Variants in P3H2 observed in about 807,000 individuals in gnomAD.
The protein encoded by P3H2 is leprecan-like 1.
A neutral mutation model predicts 87.0 loss-of-function variants in P3H2; 80 were observed. That is an observed-to-expected ratio of 0.92 (90% confidence interval 0.77 to 1.11). The LOEUF (loss-of-function observed/expected upper bound fraction) is 1.11, where lower values mean the gene tolerates loss of function less well. P3H2 is among the 50% of genes least tolerant of loss of function. P3H2 has a pLI of 0.00. For synonymous variants in P3H2, 367 were observed against 359.3 expected (o/e 1.02, Z -0.24); for missense variants, 1,001 against 923.9 (o/e 1.08, Z -1.08).
At chr3:190,006,551 C>A (rs982077444) in intron 1 of P3H2, among the ~76,000 whole-genome samples, 1 of 152,068 alleles carries the variant, frequency 6.6e-6, no homozygotes, top group Non-Finnish European at 1.5e-5. Context: ...GTAAATATAG[C>A]CCAGTTAGGA....
At chr3:190,082,181 G>A (rs1438575708) in intron 1 of P3H2, among the ~76,000 whole-genome samples, 4 of 152,090 alleles carry the variant, frequency 2.6e-5, no homozygotes, top group East Asian at 3.9e-4. Context: ...ACCTGAACCC[G>A]GTAGACGGAA....
intron 8 of P3H2, among the ~76,000 whole-genome samples, chr3:189,977,932 C>T (rs1480206832): frequency 6.6e-6 from 1 of 152,118 alleles, no homozygotes; most frequent in Non-Finnish European, 1.5e-5. Context: ...AAAAATCCCC[C>T]CTAAACGTCT....
chr3:190,047,016 A>AT lies in P3H2; in HGVS notation c.481-51575dup, dbSNP rs553225403. 3.0e-3 allele frequency among the ~76,000 whole-genome samples: 433 copies of AT among 143,556 alleles called. 3 individuals are homozygous for AT. Among genetic ancestry groups the AT allele is most frequent in the African/African-American group, 0.011 (416 of 38,156 alleles). The allele number at this position is 143,556 out of a possible 152,430, so 94.2% of individuals were successfully genotyped here. A position where few individuals can be genotyped will look rare whatever the true frequency, so the allele number is the denominator to read the frequency against. On this transcript the variant is annotated intron_variant, in intron 1 of 14. Coordinates refer to ENST00000319332, the MANE Select transcript of P3H2 (RefSeq NM_018192.4). ...AATGAGGAATTAATAACTAGAATAT[A>AT]TAAGAAACTCAATAGCAAACAAAAC... is the stretch of plus-strand genomic sequence containing the variant.
chr3:190,055,608 G>C (rs571557390), intron 1 of P3H2, among the ~76,000 whole-genome samples: 1 of 151,492 alleles, frequency 6.6e-6, no homozygotes, highest in Admixed American at 6.6e-5. Context: ...TCAAGAGTCA[G>C]GCAATGGCCA....
intron 2 of P3H2, 58 bp from the exon 3 acceptor site, chr3:189,994,341 C>A (rs537547024): frequency 3.0e-5 from 33 of 1,083,600 alleles, no homozygotes; most frequent in Middle Eastern, 2.3e-4. Context: ...AACAAAAAAA[C>A]CCTTATTTTC....
chr3:190,099,075 T>A (rs1043931125), intron 1 of P3H2, among the ~76,000 whole-genome samples: 1 of 152,290 alleles, frequency 6.6e-6, no homozygotes, highest in East Asian at 1.9e-4. Flanking sequence ...TGAAGCTTAA[T>A]AGTAGATATA....
intron 1 of P3H2, among the ~76,000 whole-genome samples, 163 bp from the exon 2 acceptor site, chr3:189,995,605 T>G (rs966284359): frequency 3.3e-5 from 5 of 150,728 alleles, no homozygotes; most frequent in Non-Finnish European, 4.4e-5. Context: ...TAAATGGGAT[T>G]ATAACAAAGT....
Position 190,118,572 on chromosome 3 carries a change from A to G in P3H2, c.480+1680T>C, listed in dbSNP as rs570543109. On this transcript the variant is annotated intron_variant, in intron 1 of 14. Transcript: ENST00000319332. ...AGCAAGCAGAAGACAAGTCCTGGAA[A>G]GGATTCAGACTTTCTCCTCATTTCT... Among the ~76,000 whole-genome samples the G allele has an allele frequency of 4.6e-5, 7 of 151,892 alleles. No homozygotes were observed. The East Asian group carries it at 5.9e-4, about 13-fold the overall frequency.
chr3:190,039,470 AG>A (rs1412067879), intron 1 of P3H2, among the ~76,000 whole-genome samples: 1 of 152,250 alleles, frequency 6.6e-6, no homozygotes, highest in Non-Finnish European at 1.5e-5. Context: ...ATGAGAAAAC[AG>A]GCCCCAAAGA....
chr3:189,959,952 T>C (rs1722764092), intron 14 of P3H2, among the ~76,000 whole-genome samples: 1 of 151,044 alleles, frequency 6.6e-6, no homozygotes, highest in Admixed American at 6.6e-5. Context: ...CTAGTTAGAA[T>C]ACAATTCGCA....
intron 13 of P3H2, among the ~76,000 whole-genome samples, chr3:189,966,954 A>G (rs1723023868): frequency 6.6e-6 from 1 of 152,190 alleles, no homozygotes; most frequent in African/African-American, 2.4e-5. Context: ...ATTTTTCCAA[A>G]GTAAAGGACT....
chr3:189,961,424 A>C lies in P3H2; in HGVS notation c.2034+2534T>G, dbSNP rs568467657. Among the ~76,000 whole-genome samples, 6 of 152,322 alleles carry C rather than the reference A, an allele frequency of 3.9e-5. No homozygotes were observed. The East Asian group carries it at 9.6e-4, about 24-fold the overall frequency. On this transcript the variant is annotated intron_variant, in intron 14 of 14. Transcript: ENST00000319332. ...AAAGGATGTTGCTAAATACTCCTTG[A>C]GAACTGAGACCCTTTAAAGTAATTC...
At chr3:190,056,679 T>C (rs1274003994) in intron 1 of P3H2, among the ~76,000 whole-genome samples, 1 of 152,184 alleles carries the variant, frequency 6.6e-6, no homozygotes, top group Non-Finnish European at 1.5e-5. Context: ...GAGACTTTGG[T>C]GTGAGGCTGG....
intron 14 of P3H2, chr3:189,963,695 C>A: frequency 2.3e-6 from 1 of 443,200 alleles, no homozygotes; most frequent in Non-Finnish European, 4.2e-6. Flanking sequence ...CTGCCCACCT[C>A]GGCCTCCCAA....
chr3:190,073,450 C>T (rs542457932), intron 1 of P3H2, among the ~76,000 whole-genome samples: 22 of 152,214 alleles, frequency 1.4e-4, no homozygotes, highest in East Asian at 7.7e-4. Context: ...TTTCAGCTTC[C>T]GGGCGATTCT....
Position 190,022,167 on chromosome 3 carries a change from T to C in P3H2, c.481-26725A>G, listed in dbSNP as rs977476003. On this transcript the variant is annotated intron_variant, in intron 1 of 14. Coordinates refer to ENST00000319332, the MANE Select transcript of P3H2 (RefSeq NM_018192.4). ...TTTTACCATTGATTTATTTTTCTTA[T>C]AGTAAACATTAAAGAGCATCTCACA... Among the ~76,000 whole-genome samples the C allele has an allele frequency of 5.2e-5, 7 of 135,478 alleles. 1 individual carries two copies. Among genetic ancestry groups the C allele is most frequent in the African/African-American group, 1.0e-4 (4 of 39,204 alleles). 88.9% of individuals were successfully genotyped at this position (135,478 alleles called of 152,430 possible).
intron 1 of P3H2, among the ~76,000 whole-genome samples, chr3:190,048,679 G>C (rs1486909812): frequency 6.6e-6 from 1 of 152,126 alleles, no homozygotes; most frequent in Non-Finnish European, 1.5e-5. Flanking sequence ...TCCTGGAGAA[G>C]ATGATCAGAA....
rs188557298 is a variant in P3H2, at chr3:189,957,395, C to A, written c.*517G>T. On this transcript the variant is annotated 3_prime_UTR_variant, in exon 15 of 15. Coordinates refer to ENST00000319332, the MANE Select transcript of P3H2 (RefSeq NM_018192.4). ...ACACGTGAGAGTTGTAGTTTCACCA[C>A]CAAGAAGCTTATTCTCTCTAAGCTT... is the stretch of plus-strand genomic sequence containing the variant. The A allele has an allele frequency of 9.7e-5, 38 of 393,434 alleles. No individual in the cohort carries two copies. Among genetic ancestry groups the A allele is most frequent in the Non-Finnish European group, 1.6e-4 (35 of 224,028 alleles). 24.4% of individuals were successfully genotyped at this position (393,434 alleles called of 1,614,324 possible).
At chr3:190,024,512 T>C (rs1205785714) in intron 1 of P3H2, among the ~76,000 whole-genome samples, 1 of 107,178 alleles carries the variant, frequency 9.3e-6, no homozygotes, top group African/African-American at 3.8e-5. Flanking sequence ...CACTGGGCAA[T>C]AGAGTGAGGT....
Sources: allele counts gnomAD v4.1 joint callset (sites outside exome capture counted in the v4.1 genomes callset), GRCh38; gene constraint gnomAD v4.1.1; transcripts MANE v1.5; gene names NCBI Gene and HGNC (gene_info 2026-07-23, HGNC 2026-07-21).